Variants in ACKR2 observed in about 807,000 individuals in gnomAD.
The protein encoded by ACKR2 is atypical chemokine receptor 2, also known as C-C chemokine receptor D6.
For missense variants in ACKR2, 457 were observed against 477.3 expected (o/e 0.96, Z 0.40); for synonymous variants, 207 against 192.2 (o/e 1.08, Z -0.64).
chr3:42,864,044 A>G (rs1169316655), intron 2 of ACKR2, among the ~76,000 whole-genome samples: 1 of 152,220 alleles, frequency 6.6e-6, no homozygotes, highest in Non-Finnish European at 1.5e-5. Context: ...ACTGAAGCTA[A>G]GCTGTCATTA....
At chr3:42,859,583 G>A (rs1194962858) in intron 2 of ACKR2, among the ~76,000 whole-genome samples, 65 of 151,994 alleles carry the variant, frequency 4.3e-4, no homozygotes, top group Admixed American at 3.0e-3. Context: ...GGGTTTCACC[G>A]TGTTAGCCAG....
At chr3:42,816,296 A>G (rs931777527) in intron 1 of ACKR2, among the ~76,000 whole-genome samples, 9 of 152,028 alleles carry the variant, frequency 5.9e-5, no homozygotes, top group Non-Finnish European at 4.4e-5. Context: ...CTCACCATCA[A>G]TATGGTGTAC....
At chr3:42,816,693 A>G (rs1260354103) in intron 1 of ACKR2, among the ~76,000 whole-genome samples, 2 of 151,854 alleles carry the variant, frequency 1.3e-5, no homozygotes, top group African/African-American at 4.8e-5. Flanking sequence ...AGTAGCTGGG[A>G]TTACAGGTGT....
intron 2 of ACKR2, among the ~76,000 whole-genome samples, chr3:42,824,455 A>G (rs1700841589): frequency 6.6e-6 from 1 of 152,322 alleles, no homozygotes; most frequent in South Asian, 2.1e-4. Context: ...GTCTAAAATC[A>G]GAACATTTTT....
chr3:42,865,004 G>C lies in ACKR2; in HGVS notation c.502G>C (p.Val168Leu). The C allele has an allele frequency of 1.9e-6, 3 of 1,614,180 alleles. No homozygotes were observed. Among genetic ancestry groups the C allele is most frequent in the Non-Finnish European group, 2.5e-6 (3 of 1,180,038 alleles). ...CAAGAGCCTGCTCCTTGCTACCATA[G>C]TATGGGCTGTGTCCCTGGCCGTCTC... ...RAKSLLLATI[V>L]WAVSLAVSIP... The change falls in exon 3 of 3, where the codon GTA (valine) becomes CTA (leucine). Residue 168 changes from valine (V) to leucine (L), a missense_variant. Val to Leu is a conservative substitution (Grantham distance 32). Coordinates refer to ENST00000422265, the MANE Select transcript of ACKR2 (RefSeq NM_001296.5).
At chr3:42,857,297 T>G (rs1428067405) in intron 2 of ACKR2, among the ~76,000 whole-genome samples, 1 of 152,026 alleles carries the variant, frequency 6.6e-6, no homozygotes, top group African/African-American at 2.4e-5. Flanking sequence ...GTGGTGAGGA[T>G]GATGGGGAAA....
chr3:42,847,827 G>A (rs921439730), intron 2 of ACKR2, among the ~76,000 whole-genome samples: 18 of 152,166 alleles, frequency 1.2e-4, no homozygotes, highest in African/African-American at 4.3e-4. Context: ...GTGGAATTAG[G>A]ACTGACTCCT....
Position 42,864,578 on chromosome 3 carries a change from G to A in ACKR2, c.76G>A (p.Asp26Asn). The A allele has an allele frequency of 6.2e-7, 1 of 1,614,128 alleles. No homozygotes were observed. The highest frequency in any genetic ancestry group is 8.5e-7 in the Non-Finnish European group (1 of 1,180,020). Residue 26 changes from aspartate (D) to asparagine (N), a missense_variant, in exon 3 of 3, where the codon GAC becomes AAC. Asp to Asn is a conservative substitution (Grantham distance 23). Coordinates refer to ENST00000422265, the MANE Select transcript of ACKR2 (RefSeq NM_001296.5). ...DSENSSFYYY[D>N]YLDEVAFMLC... ...TGAGAATAGCAGCTTCTATTACTAT[G>A]ACTACCTGGATGAAGTGGCCTTCAT...
At chr3:42,840,919 A>G (rs917823566) in intron 2 of ACKR2, among the ~76,000 whole-genome samples, 3 of 152,076 alleles carry the variant, frequency 2.0e-5, no homozygotes, top group African/African-American at 7.2e-5. Flanking sequence ...CGAACTCCTG[A>G]CCTCAGGCAA....
In ACKR2 at chr3:42,865,236, A is replaced by G. The variant is rs1463491005; in HGVS notation, c.734A>G (p.Gln245Arg). 6.2e-7 allele frequency: 1 copy of G among 1,614,092 alleles called. No individual in the cohort carries two copies. The highest frequency in any genetic ancestry group is 8.5e-7 in the Non-Finnish European group (1 of 1,180,048). ...TTGGTGAGGCTGAGGCCCGCAGGCCAGGGCCGGGCTTTAAAAATAGCTGCA... is the reference window on the plus strand; with the variant it reads ...TTGGTGAGGCTGAGGCCCGCAGGCCGGGGCCGGGCTTTAAAAATAGCTGCA... The part of the protein sequence containing the change: ...CVLVRLRPAG[Q>R]GRALKIAAAL... Residue 245 changes from glutamine to arginine, a missense_variant, in exon 3 of 3, where the codon CAG becomes CGG. By Grantham distance (43) the Gln-to-Arg change is conservative. Coordinates refer to ENST00000422265, the MANE Select transcript of ACKR2 (RefSeq NM_001296.5).
chr3:42,856,157 G>A, intron 2 of ACKR2: 1 of 499,918 alleles, frequency 2.0e-6, no homozygotes, highest in Non-Finnish European at 3.5e-6. Context: ...AGGACAGGAA[G>A]ACCAGCAGAA....
At chr3:42,816,125 G>A (rs544674307) in intron 1 of ACKR2, among the ~76,000 whole-genome samples, 34 of 152,026 alleles carry the variant, frequency 2.2e-4, no homozygotes, top group Non-Finnish European at 3.4e-4. Context: ...ACGACATTCT[G>A]TGGGTTTTTT....
Position 42,865,526 on chromosome 3 carries a change from G to A in ACKR2, c.1024G>A (p.Ala342Thr). Residue 342 changes from alanine to threonine, a missense_variant, in exon 3 of 3, where the codon GCC becomes ACC. Physicochemically the swap from Ala to Thr is moderately conservative, Grantham distance 58. Transcript: ENST00000422265. ...GWHLAPGTAQ[A>T]SLSSCSESSI... ...GCACCTGGCACCTGGCACTGCCCAG[G>A]CCTCATTATCCAGCTGTTCTGAGAG... is the stretch of plus-strand genomic sequence containing the variant. 1 of 1,614,116 alleles carries A rather than the reference G, an allele frequency of 6.2e-7. No individual in the cohort carries two copies.
At chr3:42,830,730 C>T (rs1158586154) in intron 2 of ACKR2, among the ~76,000 whole-genome samples, 1 of 151,118 alleles carries the variant, frequency 6.6e-6, no homozygotes, top group Non-Finnish European at 1.5e-5. Flanking sequence ...TTGCTTCAGG[C>T]AAGCATCAGA....
At chr3:42,841,034 C>T (rs1387232080) in intron 2 of ACKR2, among the ~76,000 whole-genome samples, 7 of 152,152 alleles carry the variant, frequency 4.6e-5, no homozygotes, top group African/African-American at 1.7e-4. Context: ...CCCCTACCCC[C>T]AGCAGTCTGG....
At chr3:42,855,828 G>A (rs371011414) in intron 2 of ACKR2, among the ~76,000 whole-genome samples, 8 of 152,200 alleles carry the variant, frequency 5.3e-5, no homozygotes, top group East Asian at 3.9e-4. Context: ...AAGGTGGCCT[G>A]GACTAGCAGG....
intron 1 of ACKR2, among the ~76,000 whole-genome samples, chr3:42,810,810 G>A (rs149373546): frequency 1.1e-4 from 16 of 152,302 alleles, no homozygotes; most frequent in African/African-American, 3.8e-4. Flanking sequence ...TCCTTTGTTC[G>A]AGTGTTCAAT....
chr3:42,848,190 GCTAA>G (rs747080139), intron 2 of ACKR2, among the ~76,000 whole-genome samples: 4 of 148,272 alleles, frequency 2.7e-5, no homozygotes, highest in Non-Finnish European at 4.5e-5. Context: ...AAGAAGAAAG[GCTAA>G]CTCTTTTAAA....
intron 1 of ACKR2, among the ~76,000 whole-genome samples, chr3:42,818,201 C>G (rs372022819): frequency 6.6e-6 from 1 of 152,192 alleles, no homozygotes; most frequent in Non-Finnish European, 1.5e-5. Context: ...CTCTCCTCCC[C>G]TCTTCTCTGC....
Sources: gnomAD v4.1 joint callset for allele counts (sites outside exome capture counted in the v4.1 genomes callset) on GRCh38, gnomAD v4.1.1 for gene constraint, MANE v1.5 for transcripts, NCBI Gene and HGNC (gene_info 2026-07-23, HGNC 2026-07-21) for gene names.